Variants in NRG1 observed in about 807,000 individuals in gnomAD.
The protein encoded by NRG1 is neuregulin 1.
Under a neutral mutation model 63.8 loss-of-function variants are expected in NRG1, and 18 were observed. That is an observed-to-expected ratio of 0.28 (90% CI 0.19 to 0.42). NRG1 has a LOEUF of 0.42. Among genes scored for constraint, NRG1 ranks in the 10% least tolerant of loss-of-function variants. The pLI is 1.00. For synonymous variants in NRG1, 302 were observed against 301.3 expected (o/e 1.00, Z -0.02); for missense variants, 762 against 814.7 (o/e 0.94, Z 0.79).
At chr8:31,859,483 T>C (rs1216245274) in intron 1 of NRG1, among the ~76,000 whole-genome samples, 1 of 152,194 alleles carries the variant, frequency 6.6e-6, no homozygotes, top group Non-Finnish European at 1.5e-5. Context: ...CCTGAGAGTA[T>C]ACCTAACATA....
At chr8:31,812,646 C>T (rs1345894853) in intron 1 of NRG1, among the ~76,000 whole-genome samples, 1 of 150,526 alleles carries the variant, frequency 6.6e-6, no homozygotes, top group Non-Finnish European at 1.5e-5. Context: ...CCCATCCCCT[C>T]CCATCTCTTC....
At chr8:31,988,376 T>C (rs1810450825) in intron 1 of NRG1, among the ~76,000 whole-genome samples, 1 of 152,064 alleles carries the variant, frequency 6.6e-6, no homozygotes, top group African/African-American at 2.4e-5. Context: ...TCCTCAATTT[T>C]TCCTGAATAC....
At chr8:31,904,478 G>A (rs2129615829) in intron 1 of NRG1, among the ~76,000 whole-genome samples, 1 of 152,296 alleles carries the variant, frequency 6.6e-6, no homozygotes, top group East Asian at 1.9e-4. Flanking sequence ...GTGGAAAGCA[G>A]TTAGTCAGTT....
intron 1 of NRG1, among the ~76,000 whole-genome samples, chr8:31,708,467 A>G (rs1217154324): frequency 7.3e-6 from 1 of 137,836 alleles, no homozygotes; most frequent in African/African-American, 2.7e-5. Flanking sequence ...TTTTTTTGAG[A>G]CGGAGTCTCG....
At chr8:32,712,832 T>C (rs1366406912) in intron 5 of NRG1, among the ~76,000 whole-genome samples, 2 of 152,160 alleles carry the variant, frequency 1.3e-5, no homozygotes, top group Non-Finnish European at 2.9e-5. Context: ...TTCTCTGATC[T>C]AAGCATGGTT....
At chr8:32,772,041 G>GTATATATA (rs1157977487), downstream of NRG1, among the ~76,000 whole-genome samples, 29 of 10,526 alleles carry the variant, frequency 2.8e-3, no homozygotes, top group Non-Finnish European at 5.4e-3. Context: ...AAAAAAATAT[G>GTATATATA]TATATATATA....
chr8:32,338,193 G>C (rs1485901269), intron 1 of NRG1, among the ~76,000 whole-genome samples: 2 of 152,168 alleles, frequency 1.3e-5, no homozygotes, highest in African/African-American at 4.8e-5. Context: ...AGAGGATATG[G>C]AGGAGCATAG....
Position 31,939,317 on chromosome 8 carries a change from C to T in NRG1, c.37+299886C>T, listed in dbSNP as rs575359486. Among the ~76,000 whole-genome samples the T allele has an allele frequency of 2.8e-3, 427 of 152,070 alleles. 3 individuals are homozygous for T. The highest frequency in any genetic ancestry group is 9.3e-3 in the African/African-American group (387 of 41,494). ...TTTTGTATTCAGCAAAACTAAGCTT[C>T]GTAAATGAAGGAAAGATACAGTGTC... On this transcript the variant is annotated intron_variant, in intron 1 of 10. Coordinates refer to the NRG1 transcript ENST00000519301.
In NRG1 at chr8:32,219,362, G is replaced by T. The variant is rs572181981; in HGVS notation, c.38-376466G>T. On this transcript the variant is annotated intron_variant, in intron 1 of 10. Coordinates refer to the NRG1 transcript ENST00000519301. ...AGAAAAGAAAGAAATCTGCATTCAGGTTTCAGGAGTAAAGAGGCTGCTCAT... is the reference window on the plus strand; with the variant it reads ...AGAAAAGAAAGAAATCTGCATTCAGTTTTCAGGAGTAAAGAGGCTGCTCAT... Among the ~76,000 whole-genome samples, 14 of 152,260 alleles carry T rather than the reference G, an allele frequency of 9.2e-5. 1 individual carries two copies. Among genetic ancestry groups the T allele is most frequent in the Admixed American group, 5.2e-4 (8 of 15,288 alleles).
intron 7 of NRG1, among the ~76,000 whole-genome samples, chr8:32,753,166 A>G (rs1240780975): frequency 6.6e-6 from 1 of 152,194 alleles, no homozygotes; most frequent in East Asian, 1.9e-4. Flanking sequence ...ATTGATCATA[A>G]TGGCAAGTGA....
At chr8:32,470,027 C>T (rs1823598499) in intron 1 of NRG1, among the ~76,000 whole-genome samples, 1 of 109,330 alleles carries the variant, frequency 9.1e-6, no homozygotes, top group Non-Finnish European at 1.8e-5. Context: ...CCACGCCCAG[C>T]TAATTTTTTT....
intron 1 of NRG1, among the ~76,000 whole-genome samples, chr8:32,295,921 G>C (rs1854797340): frequency 7.0e-6 from 1 of 143,280 alleles, no homozygotes; most frequent in African/African-American, 2.6e-5. Context: ...TGGGTGACAG[G>C]GCAAGACTAG....
intron 1 of NRG1, among the ~76,000 whole-genome samples, chr8:32,465,276 T>C (rs1822913770): frequency 6.6e-6 from 1 of 152,184 alleles, no homozygotes; most frequent in Non-Finnish European, 1.5e-5. Context: ...TGCCCATGAA[T>C]AGTATCTCTG....
At chr8:31,743,047 A>T (rs1251337316) in intron 1 of NRG1, among the ~76,000 whole-genome samples, 1 of 151,980 alleles carries the variant, frequency 6.6e-6, no homozygotes. Context: ...CCCATTTACC[A>T]AGGGTGACAG....
chr8:31,872,410 T>C (rs916236042), intron 1 of NRG1, among the ~76,000 whole-genome samples: 12 of 152,146 alleles, frequency 7.9e-5, no homozygotes, highest in Non-Finnish European at 1.8e-4. Flanking sequence ...AGTCTGACAA[T>C]TACTTCCTCA....
intron 1 of NRG1, among the ~76,000 whole-genome samples, chr8:31,967,761 T>C (rs1035144341): frequency 6.6e-6 from 1 of 152,106 alleles, no homozygotes; most frequent in East Asian, 1.9e-4. Flanking sequence ...GGGCAGCCAA[T>C]TGATACTCCA....
At chr8:32,090,713 C>T (rs571528048) in intron 1 of NRG1, among the ~76,000 whole-genome samples, 139 of 152,298 alleles carry the variant, frequency 9.1e-4, no homozygotes, top group Middle Eastern at 3.4e-3. Context: ...TGAGCCAACT[C>T]CTTCCTTTTA....
chr8:31,703,019 G>C (rs1810781114), intron 1 of NRG1, among the ~76,000 whole-genome samples: 1 of 150,408 alleles, frequency 6.6e-6, no homozygotes, highest in South Asian at 2.1e-4. Flanking sequence ...GCAAAGAGAA[G>C]AGTTCAAAAT....
intron 1 of NRG1, among the ~76,000 whole-genome samples, chr8:32,380,211 T>C (rs1810169290): frequency 6.6e-6 from 1 of 152,106 alleles, no homozygotes; most frequent in South Asian, 2.1e-4. Context: ...CTTTTTTTAA[T>C]AATATATTTT....
Sources: allele counts gnomAD v4.1 joint callset (sites outside exome capture counted in the v4.1 genomes callset), GRCh38; gene constraint gnomAD v4.1.1; transcripts MANE v1.5; gene names NCBI Gene and HGNC (gene_info 2026-07-23, HGNC 2026-07-21).